Variants in MLPH observed in about 807,000 individuals in gnomAD.
MLPH encodes the protein exophilin-3.
In MLPH, 51 loss-of-function variants were observed where a neutral mutation model predicts 72.1. The observed-to-expected ratio is 0.71, with a 90% CI of 0.56 to 0.89. The LOEUF (loss-of-function observed/expected upper bound fraction) is 0.89, where lower values mean the gene tolerates loss of function less well. MLPH is among the 40% of genes least tolerant of loss of function. MLPH has a pLI of 0.00. For missense variants in MLPH, 743 were observed against 759.9 expected, an observed-to-expected ratio of 0.98 and a Z score of 0.26; for synonymous variants, 301 against 310.1, an observed-to-expected ratio of 0.97 and a Z score of 0.31.
intron 1 of MLPH, among the ~76,000 whole-genome samples, chr2:237,492,456 C>T (rs546219791): frequency 2.1e-5 from 3 of 143,050 alleles, no homozygotes; most frequent in Admixed American, 7.1e-5. Context: ...AGTGAGAACT[C>T]GTCTCTAAAA....
Position 237,549,210 on chromosome 2 carries a change from G to A in MLPH, c.1618-11G>A, listed in dbSNP as rs1051383639. 4.3e-6 allele frequency: 7 copies of A among 1,613,246 alleles called. No homozygotes were observed. The highest frequency in any genetic ancestry group is 4.5e-5 in the East Asian group (2 of 44,892). On this transcript the variant is annotated splice_polypyrimidine_tract_variant and intron_variant, in intron 13 of 15. Transcript: ENST00000264605. ...ACTTGATGAAGCCTGGAGACACTCTGTTTCTTCTAGGCAATGGCTGTGCCC... is the reference window on the plus strand; with the variant it reads ...ACTTGATGAAGCCTGGAGACACTCTATTTCTTCTAGGCAATGGCTGTGCCC...
At chr2:237,516,437 T>C (rs1352312006) in intron 4 of MLPH, among the ~76,000 whole-genome samples, 1 of 152,168 alleles carries the variant, frequency 6.6e-6, no homozygotes, top group African/African-American at 2.4e-5. Context: ...TCCCTTCCTG[T>C]AGTGATGAGG....
At chr2:237,487,180 C>G (rs1016696692), upstream of MLPH, 1 of 152,258 alleles carries the variant, frequency 6.6e-6, no homozygotes, top group Non-Finnish European at 1.5e-5. Flanking sequence ...CCAGAGGTGT[C>G]CGCGCTCCCG....
chr2:237,506,887 G>A (rs545867862), intron 2 of MLPH, among the ~76,000 whole-genome samples: 5 of 152,142 alleles, frequency 3.3e-5, no homozygotes, highest in East Asian at 3.9e-4. Context: ...TCAGTGGGTC[G>A]TAACATGTTT....
chr2:237,503,492 G>A (rs771409303), intron 2 of MLPH, among the ~76,000 whole-genome samples: 8 of 152,104 alleles, frequency 5.3e-5, no homozygotes, highest in East Asian at 1.9e-4. Flanking sequence ...CTGGGTCCCC[G>A]GTGCTGCTCC....
intron 15 of MLPH, chr2:237,553,297 C>A: frequency 8.6e-6 from 5 of 583,112 alleles, no homozygotes; most frequent in Non-Finnish European, 1.6e-5. Flanking sequence ...GCTGCTGAAC[C>A]TTTTGTTCCT....
chr2:237,501,312 A>G (rs1158525659), intron 2 of MLPH, among the ~76,000 whole-genome samples: 1 of 152,062 alleles, frequency 6.6e-6, no homozygotes, highest in Non-Finnish European at 1.5e-5. Flanking sequence ...TAACCCTCAG[A>G]CACCCCTGTG....
At chr2:237,548,929 G>C (rs934289015) in intron 13 of MLPH, among the ~76,000 whole-genome samples, 2 of 152,160 alleles carry the variant, frequency 1.3e-5, no homozygotes, top group Admixed American at 1.3e-4. Flanking sequence ...TGGTAAGGGG[G>C]AGTGCTGGGA....
rs140130929 is a variant in MLPH at position 237,523,132 on chromosome 2, G to A, written c.676-2469G>A. ...ATAGTGCTGCTGGGATAAATATTGT[G>A]GAGAAGTGGTCTAGTGTGAAGCTTA... On this transcript the variant is annotated intron_variant, in intron 6 of 15. Coordinates refer to ENST00000264605, the MANE Select transcript of MLPH (RefSeq NM_024101.7). 3.1e-3 allele frequency among the ~76,000 whole-genome samples: 471 copies of A among 152,302 alleles called. 2 individuals carry two copies. The highest frequency in any genetic ancestry group is 0.011 in the African/African-American group (443 of 41,564).
At chr2:237,488,684 G>T (rs2106442933) in intron 1 of MLPH, among the ~76,000 whole-genome samples, 1 of 152,314 alleles carries the variant, frequency 6.6e-6, no homozygotes, top group South Asian at 2.1e-4. Flanking sequence ...ACACACATGG[G>T]GAGTCAGTGG....
intron 2 of MLPH, among the ~76,000 whole-genome samples, chr2:237,498,217 C>T (rs989231897): frequency 2.6e-5 from 4 of 152,194 alleles, no homozygotes; most frequent in South Asian, 2.1e-4. Context: ...TGCTTAAGAG[C>T]GGATTCACTT....
chr2:237,551,471 T>G (rs1295464155), intron 14 of MLPH, among the ~76,000 whole-genome samples: 1 of 152,212 alleles, frequency 6.6e-6, no homozygotes, highest in Non-Finnish European at 1.5e-5. Context: ...CAGTCAGCTC[T>G]CAGGAGCCCT....
In MLPH at chr2:237,516,926, T is replaced by A. The variant is rs541705293; in HGVS notation, c.446-1613T>A. 8.7e-4 allele frequency among the ~76,000 whole-genome samples: 126 copies of A among 145,134 alleles called. 1 individual carries two copies. Among genetic ancestry groups the A allele is most frequent in the African/African-American group, 3.4e-3 (123 of 36,086 alleles). On this transcript the variant is annotated intron_variant, in intron 4 of 15. Transcript: ENST00000264605. ...ATGGATGGATGGTAGGATGGATGGA[T>A]GGATGGATGGATGGATAGGTGGATA...
chr2:237,493,677 T>C (rs1424941527), intron 2 of MLPH, 141 bp downstream of exon 2: 3 of 680,308 alleles, frequency 4.4e-6, no homozygotes, highest in Non-Finnish European at 8.1e-6. Flanking sequence ...GGGACACAGC[T>C]CTTCTTTCTG....
intron 7 of MLPH, among the ~76,000 whole-genome samples, chr2:237,527,050 A>C (rs2080319698): frequency 6.6e-6 from 1 of 152,188 alleles, no homozygotes; most frequent in African/African-American, 2.4e-5. Flanking sequence ...TTGAAACAAC[A>C]TGTTTATGAT....
chr2:237,518,399 A>G (rs1433594753), intron 4 of MLPH, 140 bp from the exon 5 acceptor site: 1 of 729,962 alleles, frequency 1.4e-6, no homozygotes, highest in South Asian at 1.5e-5. Flanking sequence ...TGCTGTGTGG[A>G]TAGGTGGGTG....
rs1479301967 is a variant in MLPH, at chr2:237,505,680, A to G, written c.111-4894A>G. 6.6e-6 allele frequency among the ~76,000 whole-genome samples: 1 copy of G among 152,158 alleles called. No homozygotes were observed. Among genetic ancestry groups the G allele is most frequent in the Non-Finnish European group, 1.5e-5 (1 of 68,026 alleles). Reference sequence around the variant, plus strand: ...CCCCTTCACCCTGCGTGGCTCACCAATCCTGTCCAGACCCCATCATAGGAG... The same window carrying G: ...CCCCTTCACCCTGCGTGGCTCACCAGTCCTGTCCAGACCCCATCATAGGAG... On this transcript the variant is annotated intron_variant, in intron 2 of 15. Coordinates refer to ENST00000264605, the MANE Select transcript of MLPH (RefSeq NM_024101.7). This position sits in a 1 kb window ranked among gnomAD's most constrained non-coding sequence, Gnocchi z 4.5.
chr2:237,522,521 A>G (rs868137522), intron 6 of MLPH, among the ~76,000 whole-genome samples: 5 of 130,562 alleles, frequency 3.8e-5, no homozygotes, highest in East Asian at 2.1e-4. Context: ...AACACCTGCT[A>G]CAACTATAGT....
At chr2:237,501,670 A>C (rs1359166747) in intron 2 of MLPH, among the ~76,000 whole-genome samples, 2 of 128,664 alleles carry the variant, frequency 1.6e-5, no homozygotes, top group African/African-American at 8.1e-5. Context: ...CTACTAAAAA[A>C]AAAAAAAAAA....
Sources: gnomAD v4.1 joint callset for allele counts (sites outside exome capture counted in the v4.1 genomes callset) on GRCh38, gnomAD v4.1.1 for gene constraint, Gnocchi (gnomAD v3.1) non-coding constraint, MANE v1.5 for transcripts, NCBI Gene and HGNC (gene_info 2026-07-23, HGNC 2026-07-21) for gene names.